Variants in RBM17 observed in about 807,000 individuals in gnomAD.
The protein encoded by RBM17 is RNA binding motif protein 17.
In RBM17, 7 loss-of-function variants were observed where a neutral mutation model predicts 53.2. That is an observed-to-expected ratio of 0.13 (90% CI 0.07 to 0.25). The LOEUF (loss-of-function observed/expected upper bound fraction) is 0.25. Ranked by LOEUF, RBM17 falls within the 10% of genes least tolerant of loss-of-function variation. RBM17 has a pLI of 1.00. For synonymous variants in RBM17, 167 were observed against 178.1 expected, an observed-to-expected ratio of 0.94 and a Z score of 0.50; for missense variants, 257 against 496.7, an observed-to-expected ratio of 0.52 and a Z score of 4.59.
Position 6,106,455 on chromosome 10 carries a change from T to C in RBM17, c.505+217T>C, listed in dbSNP as rs1840749485. The C allele has an allele frequency of 1.1e-5, 5 of 452,118 alleles. No individual in the cohort carries two copies. In the South Asian group the frequency reaches 1.2e-4, roughly 11 times the overall value. The allele number at this position is 452,118 out of a possible 1,614,324, so 28.0% of individuals were successfully genotyped here. A position where few individuals can be genotyped will look rare whatever the true frequency, so the allele number is the denominator to read the frequency against. ...TGAGCTTCACAACCACTTTCTAACA[T>C]TTATTTATTGGATACTTTGGGACTA... On this transcript the variant is annotated intron_variant, in intron 5 of 11. Coordinates refer to ENST00000379888, the MANE Select transcript of RBM17 (RefSeq NM_032905.5).
In RBM17 at chr10:6,117,275, A is replaced by T. The variant is rs140193102; in HGVS notation, c.*1719A>T. 6.6e-6 allele frequency: 1 copy of T among 152,394 alleles called. No homozygotes were observed. Among genetic ancestry groups the T allele is most frequent in the African/African-American group, 2.4e-5 (1 of 41,562 alleles). 9.4% of individuals were successfully genotyped at this position (152,394 alleles called of 1,614,324 possible). On this transcript the variant is annotated 3_prime_UTR_variant, in exon 12 of 12. Coordinates refer to ENST00000379888, the MANE Select transcript of RBM17 (RefSeq NM_032905.5). ...TCCCCAGTCTTTTATTTTTAAAATA[A>T]CTGTGTTAATCAGTTAGTGCTTTAT... is the stretch of plus-strand genomic sequence containing the variant.
At chr10:6,099,569 C>A (rs1029629667) in intron 2 of RBM17, among the ~76,000 whole-genome samples, 1 of 152,106 alleles carries the variant, frequency 6.6e-6, no homozygotes, top group Admixed American at 6.6e-5. Flanking sequence ...TATTTTAAAT[C>A]ATCTGTGGAT....
Position 6,115,632 on chromosome 10 carries a change from C to T in RBM17, c.*76C>T, listed in dbSNP as rs1840902465. On this transcript the variant is annotated 3_prime_UTR_variant, in exon 12 of 12. Coordinates refer to ENST00000379888, the MANE Select transcript of RBM17 (RefSeq NM_032905.5). ...AGGCTGAGAAAAGAAGGAAAAAGGT[C>T]ACAGCCTCCATGGCTGTTGCATACC... 4.4e-6 allele frequency: 4 copies of T among 917,446 alleles called. No individual in the cohort carries two copies. The highest frequency in any genetic ancestry group is 1.8e-5 in the Admixed American group (1 of 56,466). The allele number at this position is 917,446 out of a possible 1,614,324, so 56.8% of individuals were successfully genotyped here. A position where few individuals can be genotyped will look rare whatever the true frequency, so the allele number is the denominator to read the frequency against.
chr10:6,107,479 C>CTTGTTTTT (rs1840770183), intron 5 of RBM17, among the ~76,000 whole-genome samples: 1 of 56,586 alleles, frequency 1.8e-5, no homozygotes, highest in Non-Finnish European at 3.2e-5. Flanking sequence ...CACCCGGCCT[C>CTTGTTTTT]TTTTTTTTTT....
chr10:6,092,808 A>G (rs993338591), intron 1 of RBM17, among the ~76,000 whole-genome samples: 3 of 152,236 alleles, frequency 2.0e-5, no homozygotes, highest in Non-Finnish European at 4.4e-5. Flanking sequence ...TGCTGGTAAG[A>G]TGACATCAGT....
intron 3 of RBM17, among the ~76,000 whole-genome samples, chr10:6,104,393 A>C (rs1840716019): frequency 6.6e-6 from 1 of 152,224 alleles, no homozygotes; most frequent in Non-Finnish European, 1.5e-5. Context: ...TCAGTGCCTG[A>C]AATGCAGCCT....
At chr10:6,094,549 C>G (rs150948406) in intron 1 of RBM17, among the ~76,000 whole-genome samples, 269 of 152,158 alleles carry the variant, frequency 1.8e-3, no homozygotes, top group African/African-American at 5.9e-3. Flanking sequence ...GTTTGCTGAC[C>G]AGTTGGATGA....
intron 7 of RBM17, among the ~76,000 whole-genome samples, chr10:6,111,063 G>A (rs1372688174): frequency 6.6e-6 from 1 of 152,200 alleles, no homozygotes; most frequent in African/African-American, 2.4e-5. Context: ...GATGCAAGAT[G>A]GTACCATTCA....
chr10:6,102,982 A>C (rs1021981267), intron 3 of RBM17, among the ~76,000 whole-genome samples: 4 of 152,100 alleles, frequency 2.6e-5, no homozygotes, highest in African/African-American at 9.7e-5. Context: ...TGTAGAGATG[A>C]GGTTTCACCA....
intron 4 of RBM17, 105 bp from the exon 5 acceptor site, chr10:6,106,036 T>C (rs940553141): frequency 4.1e-6 from 3 of 733,896 alleles, no homozygotes; most frequent in Admixed American, 4.4e-5. Context: ...TCATAGTTGA[T>C]TGTGACAGGA....
chr10:6,099,692 T>TG (rs1287299028), intron 2 of RBM17, among the ~76,000 whole-genome samples: 3 of 152,190 alleles, frequency 2.0e-5, no homozygotes, highest in South Asian at 2.1e-4. Context: ...ATTTTCAGCC[T>TG]GGGGTTAGAT....
At chr10:6,101,189 C>A in intron 2 of RBM17, 82 bp from the exon 3 acceptor site, 1 of 774,918 alleles carries the variant, frequency 1.3e-6, no homozygotes, top group Non-Finnish European at 2.0e-6. Flanking sequence ...GTTGCAGGGA[C>A]CAGAAAGAAA....
In RBM17 at chr10:6,109,982, A is replaced by G. The variant is rs1347585448; in HGVS notation, c.563-4A>G. 2.5e-6 allele frequency: 4 copies of G among 1,601,814 alleles called. No individual in the cohort carries two copies. The highest frequency in any genetic ancestry group is 2.7e-5 in the African/African-American group (2 of 74,514). On this transcript the variant is annotated splice_polypyrimidine_tract_variant and splice_region_variant and intron_variant, in intron 6 of 11. Transcript: ENST00000379888. ...GGTGAGCCTACTTTATTTTTCTCCAATAGTACCCCGAGATTTTCCTTATGA... is the reference window on the plus strand; with the variant it reads ...GGTGAGCCTACTTTATTTTTCTCCAGTAGTACCCCGAGATTTTCCTTATGA...
At chr10:6,109,126 C>T (rs1840799929) in intron 6 of RBM17, among the ~76,000 whole-genome samples, 1 of 117,118 alleles carries the variant, frequency 8.5e-6, no homozygotes, top group Non-Finnish European at 2.1e-5. Context: ...CAATGCCTTC[C>T]TTGATTAGAT....
intron 5 of RBM17, 114 bp from the exon 6 acceptor site, chr10:6,108,572 C>T: frequency 1.4e-6 from 1 of 698,068 alleles, no homozygotes; most frequent in South Asian, 1.8e-5. Flanking sequence ...GTAGCAGGTC[C>T]TCCTTTTTTA....
At chr10:6,097,614 T>C (rs1840595319) in intron 2 of RBM17, among the ~76,000 whole-genome samples, 2 of 152,148 alleles carry the variant, frequency 1.3e-5, no homozygotes, top group Admixed American at 1.3e-4. Flanking sequence ...GAGCTTGCAG[T>C]GAGCCGAGAT....
intron 6 of RBM17, 98 bp downstream of exon 6, chr10:6,108,840 G>A: frequency 1.1e-6 from 1 of 895,822 alleles, no homozygotes; most frequent in Non-Finnish European, 1.8e-6. Flanking sequence ...TGAGCGTAGA[G>A]GGAAACGGCC....
In RBM17 at chr10:6,110,597, G is replaced by A. The variant is rs80024944; in HGVS notation, c.704+470G>A. 6.8e-3 allele frequency among the ~76,000 whole-genome samples: 1,028 copies of A among 152,218 alleles called. 10 individuals carry two copies. The highest frequency in any genetic ancestry group is 0.023 in the African/African-American group (944 of 41,472). Reference sequence around the variant, plus strand: ...GTTTGCCAGCATATAAAATTTGACTGTAAGGCTGACGCTCAGGTGGGGCTT... The same window carrying A: ...GTTTGCCAGCATATAAAATTTGACTATAAGGCTGACGCTCAGGTGGGGCTT... On this transcript the variant is annotated intron_variant, in intron 7 of 11. Transcript: ENST00000379888.
rs141135118 is a variant in RBM17, at chr10:6,108,402, A to G, written c.506-284A>G. ...AGTAACTGCTGGTTCTCTTGGTTGT[A>G]TTGTTTTGCCTTAAAATTCATTTGC... On this transcript the variant is annotated intron_variant, in intron 5 of 11. Coordinates refer to ENST00000379888, the MANE Select transcript of RBM17 (RefSeq NM_032905.5). The G allele has an allele frequency of 7.4e-4, 319 of 432,432 alleles. 7 individuals are homozygous for G. The highest frequency in any genetic ancestry group is 7.0e-3 in the East Asian group (177 of 25,450). The allele number at this position is 432,432 out of a possible 1,614,324, so 26.8% of individuals were successfully genotyped here. A position where few individuals can be genotyped will look rare whatever the true frequency, so the allele number is the denominator to read the frequency against.
Sources: allele counts gnomAD v4.1 joint callset (sites outside exome capture counted in the v4.1 genomes callset), GRCh38; gene constraint gnomAD v4.1.1; transcripts MANE v1.5; gene names NCBI Gene and HGNC (gene_info 2026-07-23, HGNC 2026-07-21).